Variants in PCDH9 observed in about 807,000 individuals in gnomAD.
PCDH9 encodes the protein protocadherin 9, also known as protocadherin-9.
A neutral mutation model predicts 70.6 loss-of-function variants in PCDH9; 24 were observed. The observed-to-expected ratio is 0.34, with a 90% CI of 0.25 to 0.48. PCDH9 has a LOEUF of 0.48. Among genes scored for constraint, PCDH9 ranks in the 20% least tolerant of loss-of-function variants. The pLI is 0.99. For synonymous variants in PCDH9, 562 were observed against 558.5 expected (o/e 1.01, Z -0.09); for missense variants, 1,281 against 1,503.6 (o/e 0.85, Z 2.45).
rs148049221 is a variant in PCDH9 at position 67,110,082 on chromosome 13, A to G, written c.3036+115323T>C. 1.1e-3 allele frequency among the ~76,000 whole-genome samples: 160 copies of G among 152,292 alleles called. 1 individual carries two copies. Among genetic ancestry groups the G allele is most frequent in the Admixed American group, 1.9e-3 (29 of 15,300 alleles). On this transcript the variant is annotated intron_variant, in intron 2 of 4. Coordinates refer to ENST00000377865, the MANE Select transcript of PCDH9 (RefSeq NM_203487.3). ...GCACATGCAAATGGAAGAATTTAAT[A>G]ATCAATAGACTGACAAAGGAACATC...
intron 3 of PCDH9, among the ~76,000 whole-genome samples, chr13:66,868,293 A>T (rs9599162): frequency 1.8e-4 from 28 of 152,080 alleles, no homozygotes; most frequent in Non-Finnish European, 3.8e-4. Context: ...AATTAGTTTT[A>T]TAATTACATT....
chr13:67,043,439 G>A (rs1248333116), intron 2 of PCDH9, among the ~76,000 whole-genome samples: 2 of 152,118 alleles, frequency 1.3e-5, no homozygotes, highest in African/African-American at 4.8e-5. Flanking sequence ...AGGGGAAGAG[G>A]AAGGAGAAAA....
intron 4 of PCDH9, among the ~76,000 whole-genome samples, chr13:66,334,254 C>A (rs1471898889): frequency 6.6e-6 from 1 of 152,016 alleles, no homozygotes; most frequent in Non-Finnish European, 1.5e-5. Flanking sequence ...TGATACCAAC[C>A]TTTTAATCTC....
chr13:67,192,283 A>AT lies in PCDH9; in HGVS notation c.3036+33121dup, dbSNP rs540636817. Reference sequence around the variant, plus strand: ...CAAACCTACTATATTTTTGTGAATAATTAAGTGAAAAGTGTTAAAATAATA... The same window carrying AT: ...CAAACCTACTATATTTTTGTGAATAATTTAAGTGAAAAGTGTTAAAATAATA... On this transcript the variant is annotated intron_variant, in intron 2 of 4. Transcript: ENST00000377865. Among the ~76,000 whole-genome samples, 6 of 152,276 alleles carry AT rather than the reference A, an allele frequency of 3.9e-5. No individual in the cohort carries two copies. In the East Asian group the frequency reaches 1.2e-3, roughly 29 times the overall value.
At chr13:66,574,692 C>T (rs1237343424) in intron 4 of PCDH9, among the ~76,000 whole-genome samples, 1 of 152,148 alleles carries the variant, frequency 6.6e-6, no homozygotes, top group Admixed American at 6.6e-5. Flanking sequence ...GCTGTTCTCC[C>T]TTTCCATCTG....
At chr13:67,160,326 A>G (rs1055243988) in intron 2 of PCDH9, among the ~76,000 whole-genome samples, 18 of 152,314 alleles carry the variant, frequency 1.2e-4, no homozygotes, top group African/African-American at 4.3e-4. Flanking sequence ...AGGGCAGATC[A>G]CAAGGTCAGG....
chr13:66,783,243 C>T (rs376455124), intron 3 of PCDH9, among the ~76,000 whole-genome samples: 102 of 152,108 alleles, frequency 6.7e-4, no homozygotes, highest in African/African-American at 2.4e-3. Flanking sequence ...TGCTTTTGTT[C>T]CCAGTGTTCT....
chr13:66,895,450 G>GA lies in PCDH9; in HGVS notation c.3138+8053_3138+8054insT, dbSNP rs373238669. On this transcript the variant is annotated intron_variant, in intron 3 of 4. Transcript: ENST00000377865. ...TGTGGATGACTGTCACTCCTCTCAG[G>GA]GTGTCTCCAATATCCTGAGATTTTT... Among the ~76,000 whole-genome samples the GA allele has an allele frequency of 8.0e-3, 1,223 of 152,106 alleles. 16 individuals are homozygous for GA. The highest frequency in any genetic ancestry group is 0.027 in the African/African-American group (1,140 of 41,494).
intron 2 of PCDH9, chr13:67,210,447 T>C (rs1357010226): frequency 1.3e-5 from 2 of 152,066 alleles, no homozygotes; most frequent in Non-Finnish European, 2.9e-5. Context: ...ATGTGATTTA[T>C]TTTGTAATTG....
intron 3 of PCDH9, among the ~76,000 whole-genome samples, chr13:66,704,486 C>T (rs983488388): frequency 6.6e-6 from 1 of 152,094 alleles, no homozygotes; most frequent in African/African-American, 2.4e-5. Flanking sequence ...TGGATTTATT[C>T]ATTCCTAAAC....
intron 4 of PCDH9, among the ~76,000 whole-genome samples, chr13:66,536,475 C>T (rs1960708179): frequency 6.6e-6 from 1 of 151,996 alleles, no homozygotes; most frequent in Admixed American, 6.6e-5. Context: ...CTAAATGCTT[C>T]CTGTATATTT....
At chr13:66,320,307 C>A (rs894683693) in intron 4 of PCDH9, among the ~76,000 whole-genome samples, 2 of 152,028 alleles carry the variant, frequency 1.3e-5, no homozygotes, top group Non-Finnish European at 2.9e-5. Context: ...AAGTTCTTGA[C>A]TTGGCCTCTG....
At chr13:66,738,640 T>A (rs570823900) in intron 3 of PCDH9, among the ~76,000 whole-genome samples, 2 of 144,308 alleles carry the variant, frequency 1.4e-5, no homozygotes, top group South Asian at 4.7e-4. Context: ...TACAGAGAAG[T>A]GCTTAAAGGA....
intron 4 of PCDH9, among the ~76,000 whole-genome samples, chr13:66,439,690 A>G (rs948158581): frequency 6.6e-6 from 1 of 152,154 alleles, no homozygotes; most frequent in Non-Finnish European, 1.5e-5. Context: ...TATCCTTTCA[A>G]ATAGCTTATT....
chr13:66,529,879 TA>T (rs35230234), intron 4 of PCDH9, among the ~76,000 whole-genome samples: 8,523 of 143,572 alleles, frequency 0.059, 757 homozygotes, highest in African/African-American at 0.2. Context: ...ACCATGCTGT[TA>T]AAAAAAAAAA....
chr13:67,041,975 G>A (rs995937322), intron 2 of PCDH9, among the ~76,000 whole-genome samples: 1 of 152,092 alleles, frequency 6.6e-6, no homozygotes, highest in Admixed American at 6.6e-5. Context: ...ATTTCTGGTT[G>A]AGGCTATAAA....
chr13:66,581,939 G>T (rs912196837), intron 4 of PCDH9, among the ~76,000 whole-genome samples: 2 of 152,084 alleles, frequency 1.3e-5, no homozygotes, highest in African/African-American at 4.8e-5. Context: ...TGGAACACAG[G>T]ATCTGCTAAT....
At chr13:66,838,449 T>G (rs2081060950) in intron 3 of PCDH9, among the ~76,000 whole-genome samples, 1 of 152,218 alleles carries the variant, frequency 6.6e-6, no homozygotes, top group Non-Finnish European at 1.5e-5. Flanking sequence ...AAATAAATAC[T>G]TTGTACACAT....
At chr13:66,615,879 G>T (rs2077349223) in intron 4 of PCDH9, among the ~76,000 whole-genome samples, 1 of 152,180 alleles carries the variant, frequency 6.6e-6, no homozygotes. Context: ...CTAAAATTTG[G>T]AAACTATCTG....
Sources: allele counts gnomAD v4.1 joint callset (sites outside exome capture counted in the v4.1 genomes callset), GRCh38; gene constraint gnomAD v4.1.1; transcripts MANE v1.5; gene names NCBI Gene and HGNC (gene_info 2026-07-23, HGNC 2026-07-21).